Variants in CD2AP observed in about 807,000 individuals in gnomAD.
CD2AP encodes the protein CD2-associated protein.
Under a neutral mutation model 85.1 loss-of-function variants are expected in CD2AP, and 46 were observed. That is an observed-to-expected ratio of 0.54 (90% CI 0.43 to 0.69). CD2AP has a LOEUF of 0.69. CD2AP is among the 30% of genes least tolerant of loss of function. The probability of loss-of-function intolerance (pLI) is 0.00; values close to 1 mark genes in which losing one functional copy is unlikely to be tolerated. For missense variants in CD2AP, 769 were observed against 729.5 expected, an observed-to-expected ratio of 1.05 and a Z score of -0.62; for synonymous variants, 255 against 252.9, an observed-to-expected ratio of 1.01 and a Z score of -0.08.
intron 2 of CD2AP, among the ~76,000 whole-genome samples, chr6:47,506,287 G>A (rs1486989895): frequency 4.0e-5 from 2 of 49,998 alleles, no homozygotes; most frequent in East Asian, 3.4e-4. Flanking sequence ...ATGGGATGGC[G>A]GCCGGGCAGA....
rs1460786733 is a variant in CD2AP at position 47,626,577 on chromosome 6, T to G, written c.*2350T>G. ...GTATCATTAATTTCTGAATTGTATT[T>G]CAGTGTTATTTTTTGTTTGTGACCA... On this transcript the variant is annotated 3_prime_UTR_variant, in exon 18 of 18. Coordinates refer to ENST00000359314, the MANE Select transcript of CD2AP (RefSeq NM_012120.3). The G allele has an allele frequency of 6.6e-6, 1 of 152,400 alleles. No individual in the cohort carries two copies. Among genetic ancestry groups the G allele is most frequent in the Non-Finnish European group, 1.5e-5 (1 of 67,844 alleles). 9.4% of individuals were successfully genotyped at this position (152,400 alleles called of 1,614,324 possible). A position where few individuals can be genotyped will look rare whatever the true frequency, so the allele number is the denominator to read the frequency against.
At chr6:47,542,046 T>C (rs753046234) in intron 3 of CD2AP, among the ~76,000 whole-genome samples, 2 of 152,264 alleles carry the variant, frequency 1.3e-5, no homozygotes, top group Non-Finnish European at 2.9e-5. Context: ...CACCTTCTTG[T>C]ATCTTACTCA....
intron 11 of CD2AP, among the ~76,000 whole-genome samples, chr6:47,593,086 A>G (rs1364148611): frequency 6.6e-6 from 1 of 152,166 alleles, no homozygotes; most frequent in Non-Finnish European, 1.5e-5. Context: ...TCAGAATTGA[A>G]TTAAATTATA....
At chr6:47,519,707 A>G (rs1392019713) in intron 2 of CD2AP, among the ~76,000 whole-genome samples, 4 of 152,202 alleles carry the variant, frequency 2.6e-5, no homozygotes, top group Non-Finnish European at 4.4e-5. Flanking sequence ...CTGCCCATTC[A>G]TATCTGAAAG....
chr6:47,515,848 A>T (rs1055899110), intron 2 of CD2AP, among the ~76,000 whole-genome samples: 19 of 149,972 alleles, frequency 1.3e-4, no homozygotes, highest in Non-Finnish European at 2.2e-4. Flanking sequence ...ATGGAAGTAA[A>T]TTTTTTTTTT....
At chr6:47,484,026 G>T (rs1765507957) in intron 1 of CD2AP, among the ~76,000 whole-genome samples, 4 of 152,128 alleles carry the variant, frequency 2.6e-5, no homozygotes. Flanking sequence ...TGAAGTGGTG[G>T]TTGGCTAGTT....
At chr6:47,490,509 C>T (rs1226131345) in intron 1 of CD2AP, among the ~76,000 whole-genome samples, 2 of 151,950 alleles carry the variant, frequency 1.3e-5, no homozygotes, top group African/African-American at 4.8e-5. Context: ...ATTGAATTTT[C>T]CAACTTGTTT....
intron 1 of CD2AP, among the ~76,000 whole-genome samples, chr6:47,498,660 A>C (rs972157950): frequency 6.6e-6 from 1 of 152,338 alleles, no homozygotes; most frequent in African/African-American, 2.4e-5. Context: ...ACAGTAAGAT[A>C]CTTTGGAAGA....
intron 2 of CD2AP, among the ~76,000 whole-genome samples, chr6:47,522,584 G>T (rs560101530): frequency 1.5e-3 from 228 of 152,164 alleles, no homozygotes; most frequent in Admixed American, 3.5e-3. Context: ...GATATAAAGT[G>T]TTCTAGACTT....
chr6:47,524,420 T>G (rs532663634), intron 2 of CD2AP, among the ~76,000 whole-genome samples: 29 of 152,304 alleles, frequency 1.9e-4, no homozygotes, highest in South Asian at 4.1e-4. Flanking sequence ...TGTAAACACA[T>G]TAGCCCTCAT....
intron 2 of CD2AP, among the ~76,000 whole-genome samples, chr6:47,526,049 A>G (rs1766713648): frequency 6.6e-6 from 1 of 152,198 alleles, no homozygotes; most frequent in African/African-American, 2.4e-5. Flanking sequence ...GTTAATATGT[A>G]TGCTATTTCC....
chr6:47,557,612 G>A (rs1443994710), intron 5 of CD2AP, among the ~76,000 whole-genome samples: 1 of 152,128 alleles, frequency 6.6e-6, no homozygotes, highest in Non-Finnish European at 1.5e-5. Flanking sequence ...TTTTTGTCAG[G>A]TTTGTCAAAG....
Position 47,582,054 on chromosome 6 carries a change from C to T in CD2AP, c.1097C>T (p.Pro366Leu). 6.3e-7 allele frequency: 1 copy of T among 1,597,416 alleles called. No homozygotes were observed. The highest frequency in any genetic ancestry group is 8.6e-7 in the Non-Finnish European group (1 of 1,165,054). ...AAEKKYFSLK[P>L]EEKDEKSTLE... ...GAGAAGAAATATTTTTCTTTAAAGC[C>T]TGAAGAAAAGGGTGAGGCTAATTTT... Residue 366 changes from proline (P) to leucine (L), a missense_variant, in exon 11 of 18, where the codon CCT (proline) becomes CTT (leucine). Coordinates refer to ENST00000359314, the MANE Select transcript of CD2AP (RefSeq NM_012120.3).
At chr6:47,537,307 A>T (rs942481949) in intron 3 of CD2AP, among the ~76,000 whole-genome samples, 1 of 152,182 alleles carries the variant, frequency 6.6e-6, no homozygotes, top group Non-Finnish European at 1.5e-5. Context: ...ATACCTTTTG[A>T]AAAAATGAGT....
chr6:47,599,282 TG>T lies in CD2AP; in HGVS notation c.1275-18del. On this transcript the variant is annotated intron_variant, in intron 12 of 17. Transcript: ENST00000359314. ...GTGTTTCATACTAGTGATTTTTGCG[TG>T]TTTTTTTCTTATTTCAGGATTAATG... 1.2e-6 allele frequency: 2 copies of T among 1,609,034 alleles called. No homozygotes were observed. Among genetic ancestry groups the T allele is most frequent in the South Asian group, 2.2e-5 (2 of 90,928 alleles).
chr6:47,556,292 C>A (rs1178590803), intron 5 of CD2AP, among the ~76,000 whole-genome samples: 1 of 150,756 alleles, frequency 6.6e-6, no homozygotes, highest in Non-Finnish European at 1.5e-5. Flanking sequence ...TGTTCACCTC[C>A]CATTTATGAA....
At chr6:47,549,302 C>A (rs1210525152) in intron 4 of CD2AP, among the ~76,000 whole-genome samples, 1 of 151,970 alleles carries the variant, frequency 6.6e-6, no homozygotes, top group African/African-American at 2.4e-5. Context: ...ACCTTGAAAT[C>A]CCTAAAGACT....
chr6:47,623,473 G>A (rs1393659258), intron 17 of CD2AP, among the ~76,000 whole-genome samples: 2 of 152,156 alleles, frequency 1.3e-5, no homozygotes, highest in African/African-American at 4.8e-5. Context: ...TTGTTAGTGT[G>A]GAACATTGGC....
intron 2 of CD2AP, among the ~76,000 whole-genome samples, chr6:47,510,566 T>G (rs992910034): frequency 6.6e-6 from 1 of 152,134 alleles, no homozygotes; most frequent in African/African-American, 2.4e-5. Flanking sequence ...CTGGAACAGT[T>G]TGAGCAGCAC....
Sources: allele counts gnomAD v4.1 joint callset (sites outside exome capture counted in the v4.1 genomes callset), GRCh38; gene constraint gnomAD v4.1.1; transcripts MANE v1.5; gene names NCBI Gene and HGNC (gene_info 2026-07-23, HGNC 2026-07-21).